Variants in BIRC3 observed in about 807,000 individuals in gnomAD.
BIRC3 encodes the protein baculoviral IAP repeat-containing protein 3.
A neutral mutation model predicts 59.0 loss-of-function variants in BIRC3; 26 were observed. The ratio of observed to expected loss-of-function variants is 0.44; its 90% CI spans 0.32 to 0.61. The LOEUF (loss-of-function observed/expected upper bound fraction) is 0.61, where lower values mean the gene tolerates loss of function less well. Among genes scored for constraint, BIRC3 ranks in the 20% least tolerant of loss-of-function variants. BIRC3 has a pLI of 0.04. For missense variants in BIRC3, 641 were observed against 711.5 expected (o/e 0.90, Z 1.13); for synonymous variants, 243 against 249.2 (o/e 0.98, Z 0.24).
chr11:102,334,346 A>T (rs1210926353), intron 6 of BIRC3, among the ~76,000 whole-genome samples: 3 of 152,174 alleles, frequency 2.0e-5, no homozygotes, highest in Non-Finnish European at 2.9e-5. Flanking sequence ...ATGGAGCATT[A>T]ACTTTGTGCC....
intron 6 of BIRC3, among the ~76,000 whole-genome samples, chr11:102,332,285 A>G (rs1218547377): frequency 6.6e-6 from 1 of 152,248 alleles, no homozygotes; most frequent in Non-Finnish European, 1.5e-5. Flanking sequence ...GACCAGACCT[A>G]TAAGTCCCTT....
chr11:102,338,128 A>C lies in BIRC3; in HGVS notation c.*1026A>C, dbSNP rs1043638059. ...GTAAATAAATCTGTTTCATATTGTC[A>C]GTGCAACAAAATGTCCCCCTCTGCA... On this transcript the variant is annotated 3_prime_UTR_variant, in exon 9 of 9. Transcript: ENST00000263464. 1 of 228,510 alleles carries C rather than the reference A, an allele frequency of 4.4e-6. No homozygotes were observed. The allele number at this position is 228,510 out of a possible 1,614,324, so 14.2% of individuals were successfully genotyped here.
In BIRC3 at chr11:102,325,026, T is replaced by C. The variant is rs778002881; in HGVS notation, c.517T>C (p.Leu173=). The C allele has an allele frequency of 6.2e-7, 1 of 1,614,186 alleles. No individual in the cohort carries two copies. The highest frequency in any genetic ancestry group is 1.1e-5 in the South Asian group (1 of 91,080). ...TGCAATGAATAACGAAAATGCCAGA[T>C]TACTTACTTTTCAGACATGGCCATT... ...HCAMNNENAR[L]LTFQTWPLTF... Residue 173 remains leucine (L), a synonymous_variant, in exon 2 of 9, where the codon TTA becomes CTA. Coordinates refer to ENST00000263464, the MANE Select transcript of BIRC3 (RefSeq NM_001165.5).
intron 6 of BIRC3, among the ~76,000 whole-genome samples, chr11:102,333,855 C>A (rs1951170180): frequency 6.6e-6 from 1 of 152,032 alleles, no homozygotes; most frequent in South Asian, 2.1e-4. Flanking sequence ...AATCCTAACA[C>A]CTTGGGAGGC....
chr11:102,333,120 C>G lies in BIRC3; in HGVS notation c.1324+1879C>G, dbSNP rs552464635. Reference sequence around the variant, plus strand: ...TTCTGCCTCACCATTATATATATATCTCTACTACCTAGTATCGTGCCTGCA... The same window carrying G: ...TTCTGCCTCACCATTATATATATATGTCTACTACCTAGTATCGTGCCTGCA... On this transcript the variant is annotated intron_variant, in intron 6 of 8. Transcript: ENST00000263464. 5.1e-4 allele frequency among the ~76,000 whole-genome samples: 77 copies of G among 152,206 alleles called. 1 individual carries two copies. The highest frequency in any genetic ancestry group is 4.6e-3 in the South Asian group (22 of 4,824).
Position 102,328,093 on chromosome 11 carries a change from G to A in BIRC3, c.995G>A (p.Arg332His), listed in dbSNP as rs764613103. ...AGAATTAAAGGACAGGAGTTCATCCGTCAAGTTCAAGCCAGTTACCCTCAT... is the reference window on the plus strand; with the variant it reads ...AGAATTAAAGGACAGGAGTTCATCCATCAAGTTCAAGCCAGTTACCCTCAT... Reference protein sequence around the residue: ...LIRIKGQEFIRQVQASYPHLL... With the variant: ...LIRIKGQEFIHQVQASYPHLL... Residue 332 changes from arginine (R) to histidine (H), a missense_variant, in exon 4 of 9, where the codon CGT becomes CAT. Around this residue, in one of 4 missense-constraint regions of BIRC3, gnomAD observed 268 missense variants for 255.7 expected, o/e 1.05. Transcript: ENST00000263464. 46 of 1,609,144 alleles carry A rather than the reference G, an allele frequency of 2.9e-5. 1 individual carries two copies. Among genetic ancestry groups the A allele is most frequent in the Middle Eastern group, 3.3e-4 (2 of 6,042 alleles).
intron 6 of BIRC3, among the ~76,000 whole-genome samples, chr11:102,333,111 T>C (rs534292904): frequency 6.6e-6 from 1 of 152,206 alleles, no homozygotes; most frequent in Admixed American, 6.5e-5. Context: ...CTCACCATTA[T>C]ATATATATCT....
Position 102,337,165 on chromosome 11 carries a change from T to C in BIRC3, c.*63T>C. The stretch of plus-strand genomic sequence containing the variant: ...TTATTAAATGTATTATAACTTTAAC[T>C]TTTATCCTAATTTGGTTTCCTTAAA... On this transcript the variant is annotated 3_prime_UTR_variant, in exon 9 of 9. Transcript: ENST00000263464. 8.1e-7 allele frequency: 1 copy of C among 1,240,874 alleles called. No individual in the cohort carries two copies. The highest frequency in any genetic ancestry group is 1.0e-6 in the Non-Finnish European group (1 of 960,022). The allele number at this position is 1,240,874 out of a possible 1,614,324, so 76.9% of individuals were successfully genotyped here.
intron 3 of BIRC3, among the ~76,000 whole-genome samples, chr11:102,325,787 T>C (rs1279765398): frequency 6.6e-6 from 1 of 151,918 alleles, no homozygotes; most frequent in Non-Finnish European, 1.5e-5. Context: ...TAAAGAAATA[T>C]ATATATATTT....
In BIRC3 at chr11:102,328,278, GTAT is replaced by G. The variant is rs1951104632; in HGVS notation, c.1032+153_1032+155del. 1.5e-5 allele frequency: 10 copies of G among 663,926 alleles called. No homozygotes were observed. In the South Asian group the frequency reaches 1.9e-4, roughly 12 times the overall value. 41.1% of individuals were successfully genotyped at this position (663,926 alleles called of 1,614,324 possible). A position where few individuals can be genotyped will look rare whatever the true frequency, so the allele number is the denominator to read the frequency against. ...ATCAAACCTGACATGATTTTAGAAA[GTAT>G]TATTCTTTGGAGAAAAATAGATCCA... On this transcript the variant is annotated intron_variant, in intron 4 of 8. Coordinates refer to ENST00000263464, the MANE Select transcript of BIRC3 (RefSeq NM_001165.5).
chr11:102,326,668 C>A, intron 3 of BIRC3: 2 of 453,276 alleles, frequency 4.4e-6, no homozygotes, highest in Non-Finnish European at 8.8e-6. Flanking sequence ...GGGTTAATAT[C>A]GATTAATAAA....
At chr11:102,334,369 A>G (rs1007924991) in intron 6 of BIRC3, among the ~76,000 whole-genome samples, 3 of 152,162 alleles carry the variant, frequency 2.0e-5, no homozygotes, top group African/African-American at 7.2e-5. Context: ...ACACTATTCT[A>G]GCTCCTGACC....
intron 6 of BIRC3, among the ~76,000 whole-genome samples, chr11:102,335,433 A>G (rs975248735): frequency 2.0e-5 from 3 of 152,212 alleles, no homozygotes; most frequent in Non-Finnish European, 2.9e-5. Flanking sequence ...AGCACAGTAC[A>G]TGACACCAGA....
intron 6 of BIRC3, among the ~76,000 whole-genome samples, chr11:102,331,853 C>T (rs1419486421): frequency 6.6e-6 from 1 of 152,140 alleles, no homozygotes; most frequent in Non-Finnish European, 1.5e-5. Context: ...GTTGGCCACA[C>T]TGGTCTCAAA....
chr11:102,325,134 G>A lies in BIRC3; in HGVS notation c.625G>A (p.Gly209Ser), dbSNP rs757809452. The change falls in exon 2 of 9, where the codon GGT (glycine) becomes AGT (serine). Residue 209 changes from glycine (G) to serine (S), a missense_variant. Physicochemically the swap from Gly to Ser is moderately conservative, Grantham distance 56. Coordinates refer to ENST00000263464, the MANE Select transcript of BIRC3 (RefSeq NM_001165.5). ...PGDRVACFACGGKLSNWEPKD... is the reference protein window; with the variant it reads ...PGDRVACFACSGKLSNWEPKD... ...AGACAGAGTGGCTTGCTTTGCCTGT[G>A]GTGGAAAATTGAGCAATTGGGAACC... is the stretch of plus-strand genomic sequence containing the variant. 1 of 1,614,142 alleles carries A rather than the reference G, an allele frequency of 6.2e-7. No individual in the cohort carries two copies. Among genetic ancestry groups the A allele is most frequent in the Non-Finnish European group, 8.5e-7 (1 of 1,180,020 alleles).
intron 5 of BIRC3, among the ~76,000 whole-genome samples, chr11:102,329,994 T>G (rs1166987027): frequency 1.3e-5 from 2 of 152,146 alleles, no homozygotes; most frequent in African/African-American, 4.8e-5. Flanking sequence ...CCTGGTCTCA[T>G]GTATCTACTG....
At chr11:102,320,596 C>G (rs577925257) in intron 1 of BIRC3, among the ~76,000 whole-genome samples, 1 of 152,194 alleles carries the variant, frequency 6.6e-6, no homozygotes, top group Non-Finnish European at 1.5e-5. Flanking sequence ...TGAAAGCATA[C>G]TCTGTTTACG....
chr11:102,325,332 C>A lies in BIRC3; in HGVS notation c.823C>A (p.Gln275Lys). Residue 275 changes from glutamine (Q) to lysine (K), a missense_variant, in exon 2 of 9, where the codon CAG becomes AAG. Transcript: ENST00000263464. ...WPSSVLVNPEQLASAGFYYVG... is the reference protein window; with the variant it reads ...WPSSVLVNPEKLASAGFYYVG... ...CTCTAGTGTTCTAGTTAATCCTGAG[C>A]AGCTTGCAAGTGCGGGTTTTTATTA... The A allele has an allele frequency of 6.2e-7, 1 of 1,603,634 alleles. No individual in the cohort carries two copies. The highest frequency in any genetic ancestry group is 8.5e-7 in the Non-Finnish European group (1 of 1,175,398).
chr11:102,320,029 GT>G (rs558388312), intron 1 of BIRC3: 19 of 145,042 alleles, frequency 1.3e-4, no homozygotes, highest in South Asian at 2.2e-4. Context: ...ACGCCCGATG[GT>G]TTTTTTTTTT....
Sources: gnomAD v4.1 joint callset for allele counts (sites outside exome capture counted in the v4.1 genomes callset) on GRCh38, gnomAD v4.1.1 for gene constraint, gnomAD v4.1.1 regional missense constraint, MANE v1.5 for transcripts, NCBI Gene and HGNC (gene_info 2026-07-23, HGNC 2026-07-21) for gene names.